The following PKD2L2 variants were observed in gnomAD, a reference collection of about 807,000 sequenced individuals.
PKD2L2 encodes the protein polycystin-2-like protein 2.
A neutral mutation model predicts 83.9 loss-of-function variants in PKD2L2; 67 were observed. That is an observed-to-expected ratio of 0.80 (90% CI 0.66 to 0.98). The LOEUF is 0.98. Among genes scored for constraint, PKD2L2 ranks in the 50% least tolerant of loss-of-function variants. The probability of loss-of-function intolerance (pLI) is 0.00; values close to 1 mark genes in which losing one functional copy is unlikely to be tolerated. For synonymous variants in PKD2L2, 223 were observed against 237.8 expected (o/e 0.94, Z 0.57); for missense variants, 632 against 717.2 (o/e 0.88, Z 1.36).
In PKD2L2 at chr5:137,889,460, C is replaced by A. The variant is rs1333858431; in HGVS notation, c.-32C>A. 1 of 1,585,036 alleles carries A rather than the reference C, an allele frequency of 6.3e-7. No homozygotes were observed. Among genetic ancestry groups the A allele is most frequent in the Non-Finnish European group, 8.6e-7 (1 of 1,168,046 alleles). On this transcript the variant is annotated 5_prime_UTR_variant, in exon 1 of 15. Coordinates refer to ENST00000508883, the MANE Select transcript of PKD2L2 (RefSeq NM_001300921.2). ...AGCGCGCAAGCGCCGCGGCCTCAGG[C>A]GAACGAACGGGCGGTGTAGTGCAGG...
At chr5:137,890,279 C>G in intron 1 of PKD2L2, 1 of 425,646 alleles carries the variant, frequency 2.3e-6, no homozygotes, top group South Asian at 4.3e-5. Context: ...TAGACTCCGT[C>G]TCAAAAAAAA....
At chr5:137,932,080 G>A (rs948111252) in intron 12 of PKD2L2, among the ~76,000 whole-genome samples, 4 of 151,960 alleles carry the variant, frequency 2.6e-5, no homozygotes, top group African/African-American at 4.8e-5. Context: ...CAAAAATACC[G>A]GGCATGGTGG....
intron 3 of PKD2L2, 52 bp from the exon 4 acceptor site, chr5:137,894,301 T>A: frequency 6.8e-7 from 1 of 1,470,354 alleles, no homozygotes; most frequent in Admixed American, 2.0e-5. Flanking sequence ...TGAATGTAGA[T>A]TCTGTTGACA....
intron 14 of PKD2L2, chr5:137,939,360 A>C (rs1761007631): frequency 6.5e-6 from 1 of 152,752 alleles, no homozygotes; most frequent in Admixed American, 6.5e-5. Flanking sequence ...TCTGAGCACC[A>C]TCAGAGTTCC....
intron 4 of PKD2L2, among the ~76,000 whole-genome samples, chr5:137,896,560 A>G (rs1756486538): frequency 6.6e-6 from 1 of 152,000 alleles, no homozygotes; most frequent in African/African-American, 2.4e-5. Context: ...CTACAGGAAT[A>G]CACCACCACA....
intron 8 of PKD2L2, among the ~76,000 whole-genome samples, chr5:137,916,475 C>CTTTTTTTTTTTTT (rs1169529107): frequency 1.1e-5 from 1 of 93,214 alleles, no homozygotes; most frequent in Non-Finnish European, 2.0e-5. Context: ...CACTTTTCTT[C>CTTTTTTTTTTTTT]TTTTTTTTTT....
chr5:137,940,183 A>G (rs1225045020), intron 14 of PKD2L2: 1 of 1,613,672 alleles, frequency 6.2e-7, no homozygotes, highest in East Asian at 2.2e-5. Flanking sequence ...AGCTTCAAGG[A>G]ATACAACTGA....
chr5:137,912,176 G>A (rs1326492913), intron 8 of PKD2L2, among the ~76,000 whole-genome samples: 1 of 152,126 alleles, frequency 6.6e-6, no homozygotes, highest in Non-Finnish European at 1.5e-5. Flanking sequence ...ATACCAAGAA[G>A]TGGATTGCTG....
At chr5:137,937,121 T>C (rs1353558424) in intron 14 of PKD2L2, among the ~76,000 whole-genome samples, 1 of 152,216 alleles carries the variant, frequency 6.6e-6, no homozygotes, top group African/African-American at 2.4e-5. Flanking sequence ...ATGTTCTGAA[T>C]TCCTTTGGCC....
intron 4 of PKD2L2, among the ~76,000 whole-genome samples, chr5:137,899,019 C>T (rs1180596350): frequency 6.6e-6 from 1 of 152,186 alleles, no homozygotes; most frequent in Non-Finnish European, 1.5e-5. Flanking sequence ...ATCCTTTAAT[C>T]CTTAATGCAT....
intron 12 of PKD2L2, among the ~76,000 whole-genome samples, chr5:137,929,359 G>A (rs186304823): frequency 6.6e-6 from 1 of 151,698 alleles, no homozygotes; most frequent in East Asian, 1.9e-4. Flanking sequence ...TACTTGGGAG[G>A]CTGAGGCAGG....
At chr5:137,924,892 A>G (rs927974266) in intron 10 of PKD2L2, 148 bp from the exon 11 acceptor site, 1 of 613,254 alleles carries the variant, frequency 1.6e-6, no homozygotes, top group Non-Finnish European at 2.9e-6. Context: ...ATGAGGTGAA[A>G]GAAGGATAAT....
chr5:137,936,264 T>C, intron 13 of PKD2L2, 56 bp from the exon 14 acceptor site: 1 of 1,459,700 alleles, frequency 6.9e-7, no homozygotes, highest in Non-Finnish European at 9.3e-7. Flanking sequence ...TAACTTGCTG[T>C]CTATACATGA....
intron 5 of PKD2L2, among the ~76,000 whole-genome samples, chr5:137,903,371 G>T (rs1364933126): frequency 6.6e-6 from 1 of 152,164 alleles, no homozygotes; most frequent in Admixed American, 6.5e-5. Context: ...ACCCTCTCCT[G>T]GGTGACAGGC....
chr5:137,912,984 A>C (rs1361542790), intron 8 of PKD2L2, among the ~76,000 whole-genome samples: 1 of 149,744 alleles, frequency 6.7e-6, no homozygotes, highest in African/African-American at 2.5e-5. Flanking sequence ...TTGTATTTTT[A>C]GTGGAGACGG....
intron 8 of PKD2L2, among the ~76,000 whole-genome samples, 186 bp from the exon 9 acceptor site, chr5:137,921,450 C>CCTTA (rs989808053): frequency 1.3e-4 from 20 of 151,950 alleles, no homozygotes; most frequent in African/African-American, 4.8e-4. Context: ...TATCGAGGTA[C>CCTTA]CTTAAGTCTT....
chr5:137,906,226 C>G lies in PKD2L2; in HGVS notation c.767C>G (p.Ala256Gly), dbSNP rs1027640643. 1 of 1,604,066 alleles carries G rather than the reference C, an allele frequency of 6.2e-7. No individual in the cohort carries two copies. The highest frequency in any genetic ancestry group is 8.5e-7 in the Non-Finnish European group (1 of 1,174,286). The stretch of plus-strand genomic sequence containing the variant: ...TACAGATTGGTGGCAGAATTCCCTG[C>G]AACTGGAGGAATACTTACTTCATGG... ...CIIRLVAEFP[A>G]TGGILTSWQF... The change falls in exon 6 of 15, where the codon GCA (alanine) becomes GGA (glycine). Residue 256 changes from alanine (A) to glycine (G), a missense_variant. Ala to Gly is a moderately conservative substitution (Grantham distance 60, BLOSUM62 0). Around this residue, in one of 3 missense-constraint regions of PKD2L2, gnomAD observed 399 missense variants for 416.9 expected, o/e 0.96. Transcript: ENST00000508883.
At chr5:137,903,808 G>A (rs1315827781) in intron 5 of PKD2L2, among the ~76,000 whole-genome samples, 2 of 152,110 alleles carry the variant, frequency 1.3e-5, no homozygotes, top group African/African-American at 4.8e-5. Context: ...CCAGGCTGGA[G>A]TACAGTGGCA....
At position 137,942,718 on chromosome 5, in the gene PKD2L2, CAATA is replaced by C. The variant is rs1220306403; in HGVS notation, c.*357_*360del. On this transcript the variant is annotated 3_prime_UTR_variant, in exon 15 of 15. Coordinates refer to ENST00000508883, the MANE Select transcript of PKD2L2 (RefSeq NM_001300921.2). ...ATGTTTTATTTAAAAATGGGAATGA[CAATA>C]AATATTTGCAAATCACACTTGAAAA... is the stretch of plus-strand genomic sequence containing the variant. 2 of 606,142 alleles carry C rather than the reference CAATA, an allele frequency of 3.3e-6. No individual in the cohort carries two copies. The highest frequency in any genetic ancestry group is 1.9e-5 in the African/African-American group (1 of 51,794). 37.5% of individuals were successfully genotyped at this position (606,142 alleles called of 1,614,324 possible).
Sources: allele counts gnomAD v4.1 joint callset (sites outside exome capture counted in the v4.1 genomes callset), GRCh38; gene constraint gnomAD v4.1.1; regional missense constraint gnomAD v4.1.1; transcripts MANE v1.5; gene names NCBI Gene and HGNC (gene_info 2026-07-23, HGNC 2026-07-21).